The following TSPAN3 variants were observed in gnomAD, a reference collection of about 807,000 sequenced individuals.
TSPAN3 encodes the protein tetraspanin 3.
A neutral mutation model predicts 31.1 loss-of-function variants in TSPAN3; 9 were observed. That is an observed-to-expected ratio of 0.29 (90% CI 0.17 to 0.50). The LOEUF (loss-of-function observed/expected upper bound fraction) is 0.50, where lower values mean the gene tolerates loss of function less well. TSPAN3 is among the 20% of genes least tolerant of loss of function. The pLI, the probability that TSPAN3 is intolerant of heterozygous loss-of-function variation, is 0.98. For synonymous variants in TSPAN3, 129 were observed against 114.3 expected, an observed-to-expected ratio of 1.13 and a Z score of -0.82; for missense variants, 252 against 313.5, an observed-to-expected ratio of 0.80 and a Z score of 1.48.
chr15:77,058,699 C>T (rs1197811580), intron 1 of TSPAN3, among the ~76,000 whole-genome samples: 1 of 152,188 alleles, frequency 6.6e-6, no homozygotes, highest in Non-Finnish European at 1.5e-5. Flanking sequence ...TTATTGAGTA[C>T]ACCTCATCTC....
At position 77,052,430 on chromosome 15, in the gene TSPAN3, G is replaced by A. The variant is rs2076738263; in HGVS notation, c.624C>T (p.Ile208=). 2 of 1,614,084 alleles carry A rather than the reference G, an allele frequency of 1.2e-6. No homozygotes were observed. Among genetic ancestry groups the A allele is most frequent in the Admixed American group, 1.7e-5 (1 of 60,002 alleles). Residue 208 remains isoleucine (I), a synonymous_variant, in exon 6 of 7, where the codon ATC becomes ATT. Coordinates refer to ENST00000267970, the MANE Select transcript of TSPAN3 (RefSeq NM_005724.6). ...GTGCGGCCCAGATCACATGCATCAT[G>A]ATTTCTTGTAGCTTCTTCACTACTA... is the stretch of plus-strand genomic sequence containing the variant. The part of the protein sequence containing the change: ...EALVVKKLQE[I]MMHVIWAALA...
intron 1 of TSPAN3, among the ~76,000 whole-genome samples, chr15:77,057,459 A>AT (rs952139362): frequency 2.6e-5 from 4 of 152,194 alleles, no homozygotes; most frequent in Admixed American, 2.0e-4. Flanking sequence ...TCATCAGTAT[A>AT]TTTTTTTACA....
chr15:77,065,943 T>C (rs780225399), intron 1 of TSPAN3, among the ~76,000 whole-genome samples: 2 of 152,128 alleles, frequency 1.3e-5, no homozygotes, highest in Non-Finnish European at 2.9e-5. Context: ...AACAACAACC[T>C]AAATAGATAT....
rs1272525508 is a variant in TSPAN3, at chr15:77,045,972, A to G, written c.*863T>C. Reference sequence around the variant, plus strand: ...ACTATAGACAGCACCAACAAAGAAAACATGATACTGCTGCTCTGGAACTGA... The same window carrying G: ...ACTATAGACAGCACCAACAAAGAAAGCATGATACTGCTGCTCTGGAACTGA... On this transcript the variant is annotated 3_prime_UTR_variant, in exon 7 of 7. Coordinates refer to ENST00000267970, the MANE Select transcript of TSPAN3 (RefSeq NM_005724.6). 1 of 154,254 alleles carries G rather than the reference A, an allele frequency of 6.5e-6. No individual in the cohort carries two copies. Among genetic ancestry groups the G allele is most frequent in the South Asian group, 2.1e-4 (1 of 4,850 alleles). The allele number at this position is 154,254 out of a possible 1,614,324, so 9.6% of individuals were successfully genotyped here.
intron 1 of TSPAN3, among the ~76,000 whole-genome samples, chr15:77,060,010 CA>C (rs1288849405): frequency 6.6e-6 from 1 of 152,148 alleles, no homozygotes; most frequent in Non-Finnish European, 1.5e-5. Flanking sequence ...CAGAGACAAC[CA>C]GATGCACAAC....
chr15:77,052,544 C>T (rs1440556891), intron 5 of TSPAN3, 76 bp from the exon 6 acceptor site: 4 of 1,388,340 alleles, frequency 2.9e-6, no homozygotes, highest in East Asian at 2.3e-5. Context: ...CCACTACCCA[C>T]TTACAGAAAG....
At chr15:77,070,554 T>A (rs1013437300) in intron 1 of TSPAN3, among the ~76,000 whole-genome samples, 1 of 151,520 alleles carries the variant, frequency 6.6e-6, no homozygotes, top group African/African-American at 2.4e-5. Flanking sequence ...CAGTCTGCAA[T>A]AAGCGCTCTC....
chr15:77,062,794 T>C (rs980603633), intron 1 of TSPAN3, among the ~76,000 whole-genome samples: 11 of 152,142 alleles, frequency 7.2e-5, no homozygotes, highest in African/African-American at 2.7e-4. Flanking sequence ...AAAATGAAAA[T>C]GAAAAAGCCC....
At chr15:77,069,634 C>T (rs1000132806) in intron 1 of TSPAN3, among the ~76,000 whole-genome samples, 4 of 152,126 alleles carry the variant, frequency 2.6e-5, no homozygotes, top group African/African-American at 9.7e-5. Context: ...AAGTGTGTAG[C>T]AAGTGCTTTT....
At chr15:77,053,211 C>A (rs2076743141) in intron 4 of TSPAN3, among the ~76,000 whole-genome samples, 1 of 151,772 alleles carries the variant, frequency 6.6e-6, no homozygotes, top group Non-Finnish European at 1.5e-5. Flanking sequence ...AAGTACATTG[C>A]CAGGCCGGGT....
In TSPAN3 at chr15:77,046,521, C is replaced by T; in HGVS notation, c.*314G>A. On this transcript the variant is annotated 3_prime_UTR_variant, in exon 7 of 7. Transcript: ENST00000267970. ...CATTTCGGCATCAGTCCTGTTACCA[C>T]TTGGAGGTAACAGAAGCAGGCTCGT... 2.2e-6 allele frequency: 1 copy of T among 454,576 alleles called. No individual in the cohort carries two copies. 28.2% of individuals were successfully genotyped at this position (454,576 alleles called of 1,614,324 possible).
Position 77,043,858 on chromosome 15 carries a change from TA to T in TSPAN3, c.*2976del, listed in dbSNP as rs1423607092. The T allele has an allele frequency of 6.6e-6, 1 of 152,016 alleles. No homozygotes were observed. The highest frequency in any genetic ancestry group is 6.6e-5 in the Admixed American group (1 of 15,244). 9.4% of individuals were successfully genotyped at this position (152,016 alleles called of 1,614,324 possible). On this transcript the variant is annotated 3_prime_UTR_variant, in exon 7 of 7. Coordinates refer to ENST00000267970, the MANE Select transcript of TSPAN3 (RefSeq NM_005724.6). ...TCTTGGTAAGTACCCACTGAGGTATTAGGGGTAAAAGGCCATGACAGGTGTG... is the reference window on the plus strand; with the variant it reads ...TCTTGGTAAGTACCCACTGAGGTATTGGGGTAAAAGGCCATGACAGGTGTG...
At chr15:77,052,989 T>G in intron 4 of TSPAN3, 60 bp from the exon 5 acceptor site, 1 of 1,504,318 alleles carries the variant, frequency 6.6e-7, no homozygotes, top group Non-Finnish European at 9.1e-7. Context: ...AAGTTCCATG[T>G]ACTACAGAGC....
At chr15:77,064,067 A>G (rs573219342) in intron 1 of TSPAN3, 1 of 152,204 alleles carries the variant, frequency 6.6e-6, no homozygotes, top group Non-Finnish European at 1.5e-5. Flanking sequence ...TTATTCTAGA[A>G]CCCCTTTAGT....
At position 77,044,398 on chromosome 15, in the gene TSPAN3, A is replaced by T. The variant is rs2076677137; in HGVS notation, c.*2437T>A. The T allele has an allele frequency of 6.6e-6, 1 of 152,268 alleles. No individual in the cohort carries two copies. Among genetic ancestry groups the T allele is most frequent in the Admixed American group, 6.5e-5 (1 of 15,290 alleles). The allele number at this position is 152,268 out of a possible 1,614,324, so 9.4% of individuals were successfully genotyped here. Reference sequence around the variant, plus strand: ...ATGTTGAATTTGCATGGCCCTGGCCAACACAGACAACATCCCCTTCTAGTG... The same window carrying T: ...ATGTTGAATTTGCATGGCCCTGGCCTACACAGACAACATCCCCTTCTAGTG... On this transcript the variant is annotated 3_prime_UTR_variant, in exon 7 of 7. Coordinates refer to ENST00000267970, the MANE Select transcript of TSPAN3 (RefSeq NM_005724.6).
intron 1 of TSPAN3, among the ~76,000 whole-genome samples, chr15:77,066,058 A>G (rs916958735): frequency 6.6e-6 from 1 of 152,218 alleles, no homozygotes; most frequent in Non-Finnish European, 1.5e-5. Context: ...TAGTTTTTCT[A>G]ATAGGGTTTA....
rs2076745037 is a variant in TSPAN3 at position 77,053,451 on chromosome 15, C to CAAAACAAA, written c.433-523_433-522insTTTGTTTT. 6.0e-5 allele frequency among the ~76,000 whole-genome samples: 3 copies of CAAAACAAA among 50,380 alleles called. No individual in the cohort carries two copies. The East Asian group carries it at 1.9e-3, about 32-fold the overall frequency. The allele number at this position is 50,380 out of a possible 152,430, so 33.1% of individuals were successfully genotyped here. On this transcript the variant is annotated intron_variant, in intron 4 of 6. Transcript: ENST00000267970. ...CAACAAGAGTGAAATTTCGCCATCT[C>CAAAACAAA]AAAAAAAAAAAAAAAAAAAAAAAAA...
rs755264717 is a variant in TSPAN3 at position 77,070,947 on chromosome 15, T to C, written c.8A>G (p.Gln3Arg). The stretch of plus-strand genomic sequence containing the variant: ...GGTCTTGGAGGAGGTGATGCCGCAC[T>C]GGCCCATGGCGCCGGTGGCCCGCGA... MG[Q>R]CGITSSKTVL... is the part of the protein sequence containing the mutation. The change falls in exon 1 of 7, where the codon CAG becomes CGG. Residue 3 changes from glutamine (Q) to arginine (R), a missense_variant. Transcript: ENST00000267970. 7.0e-7 allele frequency: 1 copy of C among 1,437,878 alleles called. No homozygotes were observed. The highest frequency in any genetic ancestry group is 1.4e-5 in the South Asian group (1 of 72,606). 89.1% of individuals were successfully genotyped at this position (1,437,878 alleles called of 1,614,324 possible).
At chr15:77,054,427 T>C in intron 3 of TSPAN3, 148 bp from the exon 4 acceptor site, 1 of 571,724 alleles carries the variant, frequency 1.7e-6, no homozygotes, top group East Asian at 3.0e-5. Context: ...CCTGCCTTCA[T>C]CTTCATATAG....
Sources: gnomAD v4.1 joint callset for allele counts (sites outside exome capture counted in the v4.1 genomes callset) on GRCh38, gnomAD v4.1.1 for gene constraint, MANE v1.5 for transcripts, NCBI Gene and HGNC (gene_info 2026-07-23, HGNC 2026-07-21) for gene names.